CAV2: variants seen among roughly 807,000 people sequenced by gnomAD.
CAV2 encodes caveolin-2.
Under a neutral mutation model 15.5 loss-of-function variants are expected in CAV2, and 7 were observed. The observed-to-expected ratio is 0.45, with a 90% confidence interval of 0.26 to 0.85. CAV2 has a LOEUF of 0.85. Ranked by LOEUF, CAV2 falls within the 40% of genes least tolerant of loss-of-function variation. The probability of loss-of-function intolerance (pLI) is 0.18; values close to 1 mark genes in which losing one functional copy is unlikely to be tolerated. For missense variants in CAV2, 229 were observed against 208.8 expected (o/e 1.10, Z -0.60); for synonymous variants, 76 against 83.1 (o/e 0.91, Z 0.46).
Position 116,499,767 on chromosome 7 carries a change from C to G in CAV2, c.-15C>G. ...CGCGCCAGCCGGGCTGCAGCGGCCG[C>G]GCACCAAGGCTGCGATGGGGCTGGA... On this transcript the variant is annotated 5_prime_UTR_variant, in exon 1 of 3. Coordinates refer to ENST00000222693, the MANE Select transcript of CAV2 (RefSeq NM_001233.5). 6.6e-7 allele frequency: 1 copy of G among 1,525,102 alleles called. No individual in the cohort carries two copies. The highest frequency in any genetic ancestry group is 8.8e-7 in the Non-Finnish European group (1 of 1,137,662). The allele number at this position is 1,525,102 out of a possible 1,614,324, so 94.5% of individuals were successfully genotyped here. A position where few individuals can be genotyped will look rare whatever the true frequency, so the allele number is the denominator to read the frequency against.
chr7:116,504,044 A>G (rs1201253805), intron 2 of CAV2, among the ~76,000 whole-genome samples: 2 of 113,398 alleles, frequency 1.8e-5, no homozygotes, highest in East Asian at 9.6e-4. Flanking sequence ...AAGAAAAAGA[A>G]AGAAAGAGAA....
chr7:116,501,610 T>C (rs544440115), intron 2 of CAV2, among the ~76,000 whole-genome samples: 1 of 152,300 alleles, frequency 6.6e-6, no homozygotes, highest in East Asian at 1.9e-4. Flanking sequence ...AGAGATAGGG[T>C]CTGCCTTCAG....
intron 1 of CAV2, 41 bp downstream of exon 1, chr7:116,499,972 C>T: frequency 6.3e-7 from 1 of 1,595,038 alleles, no homozygotes; most frequent in Admixed American, 1.7e-5. Context: ...CCGCTGAGGC[C>T]GGGAGGTGCG....
rs566532596 is a variant in CAV2, at chr7:116,502,112, T to A, written c.338+1665T>A. Reference sequence around the variant, plus strand: ...TATGAAGCTATTTGGAAATGTGAAGTACCATATTTATAGTCAACAAAGCTA... The same window carrying A: ...TATGAAGCTATTTGGAAATGTGAAGAACCATATTTATAGTCAACAAAGCTA... On this transcript the variant is annotated intron_variant, in intron 2 of 2. Transcript: ENST00000222693. Among the ~76,000 whole-genome samples the A allele has an allele frequency of 3.3e-5, 5 of 152,296 alleles. No homozygotes were observed. In the South Asian group the frequency reaches 1.0e-3, roughly 32 times the overall value.
Position 116,500,246 on chromosome 7 carries a change from T to A in CAV2, c.151-14T>A. 6.2e-7 allele frequency: 1 copy of A among 1,611,186 alleles called. No individual in the cohort carries two copies. The highest frequency in any genetic ancestry group is 1.1e-5 in the South Asian group (1 of 90,486). On this transcript the variant is annotated splice_polypyrimidine_tract_variant and intron_variant, in intron 1 of 2. Transcript: ENST00000222693. ...TGGCTGACAGTTCGGGGTCCCTGCG[T>A]CCTGTCTCCTCAGCTGGGCTTCGAG... is the stretch of plus-strand genomic sequence containing the variant.
At chr7:116,502,435 G>T (rs895718611) in intron 2 of CAV2, among the ~76,000 whole-genome samples, 15 of 152,038 alleles carry the variant, frequency 9.9e-5, no homozygotes, top group African/African-American at 3.6e-4. Flanking sequence ...AGCTGTGATT[G>T]CAAGTAGAGG....
At chr7:116,502,310 AC>A (rs1167141060) in intron 2 of CAV2, among the ~76,000 whole-genome samples, 2 of 152,152 alleles carry the variant, frequency 1.3e-5, no homozygotes, top group Non-Finnish European at 2.9e-5. Context: ...TCATCAATGC[AC>A]CTTTTTTTAG....
chr7:116,502,299 A>G (rs1793122747), intron 2 of CAV2, among the ~76,000 whole-genome samples: 1 of 152,222 alleles, frequency 6.6e-6, no homozygotes, highest in Non-Finnish European at 1.5e-5. Flanking sequence ...CAATTGGTGA[A>G]TCATCAATGC....
intron 2 of CAV2, 134 bp downstream of exon 2, chr7:116,500,581 G>T (rs893880932): frequency 1.3e-6 from 1 of 776,414 alleles, no homozygotes; most frequent in East Asian, 2.6e-5. Flanking sequence ...GCAGTAGGAA[G>T]AACTGGAAGG....
Position 116,500,328 on chromosome 7 carries a change from C to A in CAV2, c.219C>A (p.Ser73Arg). 1 of 1,613,982 alleles carries A rather than the reference C, an allele frequency of 6.2e-7. No individual in the cohort carries two copies. The highest frequency in any genetic ancestry group is 1.7e-4 in the Middle Eastern group (1 of 6,060). ...CCTTTGACAAAGTGTGGATCTGCAG[C>A]CATGCCCTCTTTGAAATCAGCAAAT... ...THSFDKVWIC[S>R]HALFEISKYV... The change falls in exon 2 of 3, where the codon AGC (serine) becomes AGA (arginine). Residue 73 changes from serine to arginine, a missense_variant. Coordinates refer to ENST00000222693, the MANE Select transcript of CAV2 (RefSeq NM_001233.5).
intron 2 of CAV2, among the ~76,000 whole-genome samples, chr7:116,502,467 T>A (rs1793126811): frequency 7.4e-6 from 1 of 135,340 alleles, no homozygotes; most frequent in Non-Finnish European, 1.6e-5. Context: ...ACAAGAATGC[T>A]TAAAAGTTAG....
chr7:116,499,984 G>C, intron 1 of CAV2, 53 bp downstream of exon 1: 2 of 1,584,582 alleles, frequency 1.3e-6, no homozygotes, highest in Admixed American at 1.8e-5. Context: ...GGAGGTGCGG[G>C]CGCCCCTCAG....
At chr7:116,500,531 C>A in intron 2 of CAV2, 84 bp downstream of exon 2, 1 of 1,370,496 alleles carries the variant, frequency 7.3e-7, no homozygotes, top group Non-Finnish European at 1.0e-6. Context: ...CCTCTTATCC[C>A]AGGCCGGCGT....
chr7:116,500,075 G>A (rs934717558), intron 1 of CAV2, 144 bp downstream of exon 1: 21 of 1,467,470 alleles, frequency 1.4e-5, no homozygotes, highest in Middle Eastern at 2.4e-4. Flanking sequence ...GGTCCCACCC[G>A]TCACCAGGCC....
chr7:116,504,807 A>C (rs1053529904), intron 2 of CAV2, among the ~76,000 whole-genome samples: 1 of 152,238 alleles, frequency 6.6e-6, no homozygotes, highest in Non-Finnish European at 1.5e-5. Context: ...GTTAGGAACA[A>C]GTGTATGAAA....
intron 2 of CAV2, among the ~76,000 whole-genome samples, chr7:116,505,439 C>T (rs1163539104): frequency 1.3e-5 from 2 of 152,072 alleles, no homozygotes; most frequent in Admixed American, 1.3e-4. Context: ...GAAGGAATAC[C>T]TGAGACTAGG....
chr7:116,500,472 C>T (rs117449302), intron 2 of CAV2, 25 bp downstream of exon 2: 4 of 1,598,802 alleles, frequency 2.5e-6, no homozygotes, highest in South Asian at 1.1e-5. Flanking sequence ...ACCGGGTGGA[C>T]CGGCTTTCTG....
At chr7:116,504,038 AAAAG>A (rs34652023) in intron 2 of CAV2, among the ~76,000 whole-genome samples, 4 of 122,812 alleles carry the variant, frequency 3.3e-5, no homozygotes, top group African/African-American at 5.6e-5. Context: ...AAGAGAAAGA[AAAAG>A]AAAGAAAGAG....
rs1793251398 is a variant in CAV2, at chr7:116,506,947, C to A, written c.*826C>A. ...ATAAAAGAGCGATACACAAAGCTTTCTTTTCTAACTTTTCCAAGCAAAATC... is the reference window on the plus strand; with the variant it reads ...ATAAAAGAGCGATACACAAAGCTTTATTTTCTAACTTTTCCAAGCAAAATC... On this transcript the variant is annotated 3_prime_UTR_variant, in exon 3 of 3. Transcript: ENST00000222693. 1 of 152,220 alleles carries A rather than the reference C, an allele frequency of 6.6e-6. No homozygotes were observed. Among genetic ancestry groups the A allele is most frequent in the East Asian group, 1.9e-4 (1 of 5,198 alleles). 9.4% of individuals were successfully genotyped at this position (152,220 alleles called of 1,614,324 possible).
Sources: allele counts gnomAD v4.1 joint callset (sites outside exome capture counted in the v4.1 genomes callset), GRCh38; gene constraint gnomAD v4.1.1; transcripts MANE v1.5; gene names NCBI Gene and HGNC (gene_info 2026-07-23, HGNC 2026-07-21).